The following DLG2 variants were observed in gnomAD, a reference collection of about 807,000 sequenced individuals.
DLG2 encodes discs large MAGUK scaffold protein 2.
A neutral mutation model predicts 132.5 loss-of-function variants in DLG2; 45 were observed. The observed-to-expected ratio is 0.34, with a 90% CI of 0.27 to 0.44. DLG2 has a LOEUF of 0.44. DLG2 is among the 20% of genes least tolerant of loss of function. DLG2 has a pLI of 1.00. For synonymous variants in DLG2, 424 were observed against 419.6 expected (o/e 1.01, Z -0.13); for missense variants, 1,045 against 1,196.9 (o/e 0.87, Z 1.87).
At chr11:84,176,403 G>T (rs2095969102) in intron 8 of DLG2, among the ~76,000 whole-genome samples, 1 of 148,654 alleles carries the variant, frequency 6.7e-6, no homozygotes, top group East Asian at 2.0e-4. Flanking sequence ...AAGCTTTACT[G>T]CTTGGTGTAT....
intron 7 of DLG2, among the ~76,000 whole-genome samples, chr11:84,506,454 G>A (rs545575920): frequency 5.5e-4 from 83 of 152,096 alleles, no homozygotes; most frequent in African/African-American, 1.9e-3. Flanking sequence ...GCTATGCTTC[G>A]GAGAGAAATT....
intron 17 of DLG2, among the ~76,000 whole-genome samples, chr11:83,825,980 G>C (rs1440952019): frequency 1.3e-5 from 2 of 152,168 alleles, no homozygotes; most frequent in African/African-American, 4.8e-5. Context: ...AGTGAGAGTA[G>C]GGGAAGTATT....
chr11:84,873,014 G>A (rs1335015218), intron 6 of DLG2, among the ~76,000 whole-genome samples: 1 of 152,112 alleles, frequency 6.6e-6, no homozygotes, highest in African/African-American at 2.4e-5. Context: ...TATTTCACAT[G>A]GTAGACAGAA....
chr11:85,120,971 C>T lies in DLG2; in HGVS notation c.283-9236G>A, dbSNP rs191491619. On this transcript the variant is annotated intron_variant, in intron 5 of 27. Transcript: ENST00000376104. ...AACTCAGATCTTAACCACAGAATAA[C>T]GTAACATCCATTCAGCTCCTGTATG... Among the ~76,000 whole-genome samples the T allele has an allele frequency of 2.1e-4, 32 of 152,106 alleles. No homozygotes were observed. In the East Asian group the frequency reaches 2.9e-3, roughly 14 times the overall value.
At chr11:84,485,678 T>C (rs1213642364) in intron 7 of DLG2, among the ~76,000 whole-genome samples, 1 of 152,154 alleles carries the variant, frequency 6.6e-6, no homozygotes, top group Non-Finnish European at 1.5e-5. Context: ...TTGTGAGAAG[T>C]AAATACATCA....
intron 6 of DLG2, among the ~76,000 whole-genome samples, chr11:85,089,744 C>G (rs529654762): frequency 6.6e-6 from 1 of 152,208 alleles, no homozygotes; most frequent in South Asian, 2.1e-4. Flanking sequence ...ACATTCACAT[C>G]AACAGTGAAA....
chr11:84,574,368 A>G (rs543613985), intron 6 of DLG2, among the ~76,000 whole-genome samples: 7 of 152,104 alleles, frequency 4.6e-5, no homozygotes, highest in Non-Finnish European at 1.0e-4. Flanking sequence ...AACAGAAAAA[A>G]AAAAAAACCT....
intron 22 of DLG2, chr11:83,480,499 C>T (rs768053579): frequency 3.9e-5 from 58 of 1,495,626 alleles, no homozygotes; most frequent in Non-Finnish European, 5.0e-5. Context: ...GCAAGGCTAC[C>T]AGAAATGTGA....
chr11:84,454,339 T>C (rs1159587340), intron 7 of DLG2, among the ~76,000 whole-genome samples: 2 of 151,422 alleles, frequency 1.3e-5, no homozygotes, highest in African/African-American at 2.4e-5. Flanking sequence ...ACTCAGGAAA[T>C]TGTCTAGCCT....
intron 7 of DLG2, among the ~76,000 whole-genome samples, chr11:84,365,222 C>A (rs927332664): frequency 2.0e-4 from 30 of 152,152 alleles, no homozygotes; most frequent in Non-Finnish European, 4.1e-4. Flanking sequence ...GATTCAACTT[C>A]TTCCTGGTTT....
At chr11:83,685,849 A>G (rs2079643825) in intron 18 of DLG2, among the ~76,000 whole-genome samples, 1 of 151,896 alleles carries the variant, frequency 6.6e-6, no homozygotes, top group African/African-American at 2.4e-5. Flanking sequence ...AATCTGCTCT[A>G]CTCCCAGTAT....
At chr11:85,579,230 C>T (rs535066110) in intron 3 of DLG2, among the ~76,000 whole-genome samples, 3 of 151,866 alleles carry the variant, frequency 2.0e-5, no homozygotes, top group Non-Finnish European at 2.9e-5. Flanking sequence ...TGGAGCCTTT[C>T]GAAGGGTGAA....
chr11:84,954,223 C>T lies in DLG2; in HGVS notation c.357+157438G>A, dbSNP rs12577782. On this transcript the variant is annotated intron_variant, in intron 6 of 27. Transcript: ENST00000376104. ...CTGGACCTCTGCATTGGACTCTCCT[C>T]TTTCTACTGTCTAGGTGCTTTCACC... Among the ~76,000 whole-genome samples the T allele has an allele frequency of 7.0e-4, 106 of 152,058 alleles. 2 individuals are homozygous for T. In the East Asian group the frequency reaches 0.017, roughly 25 times the overall value.
chr11:85,144,919 T>A (rs946982637), intron 5 of DLG2, among the ~76,000 whole-genome samples: 1 of 152,118 alleles, frequency 6.6e-6, no homozygotes, highest in Non-Finnish European at 1.5e-5. Flanking sequence ...CCAGTGAGTT[T>A]TGTACCTTCA....
chr11:83,824,100 C>T (rs762462542), intron 17 of DLG2, among the ~76,000 whole-genome samples: 1 of 152,158 alleles, frequency 6.6e-6, no homozygotes, highest in Non-Finnish European at 1.5e-5. Flanking sequence ...GTTGTTAGGA[C>T]AATTCAGTGA....
At chr11:83,797,806 C>G (rs1335841228) in intron 17 of DLG2, among the ~76,000 whole-genome samples, 1 of 152,250 alleles carries the variant, frequency 6.6e-6, no homozygotes, top group African/African-American at 2.4e-5. Flanking sequence ...GCGTGAGCCA[C>G]TGCACCCGGC....
chr11:84,845,966 G>C (rs766403416), intron 6 of DLG2, among the ~76,000 whole-genome samples: 3 of 151,930 alleles, frequency 2.0e-5, no homozygotes, highest in Non-Finnish European at 2.9e-5. Context: ...TACTGCACCA[G>C]GCCTGATATT....
At chr11:83,662,035 T>C (rs2074407271) in intron 18 of DLG2, among the ~76,000 whole-genome samples, 1 of 152,148 alleles carries the variant, frequency 6.6e-6, no homozygotes, top group Admixed American at 6.5e-5. Flanking sequence ...TTGAAAAATG[T>C]CTTCAAAGAT....
At chr11:84,549,112 T>C (rs1053950636) in intron 6 of DLG2, among the ~76,000 whole-genome samples, 1 of 152,202 alleles carries the variant, frequency 6.6e-6, no homozygotes, top group Non-Finnish European at 1.5e-5. Flanking sequence ...TTTTGAGAAC[T>C]GGCTGAAGGA....
Sources: gnomAD v4.1 joint callset for allele counts (sites outside exome capture counted in the v4.1 genomes callset) on GRCh38, gnomAD v4.1.1 for gene constraint, MANE v1.5 for transcripts, NCBI Gene and HGNC (gene_info 2026-07-23, HGNC 2026-07-21) for gene names.